Variants in C19orf47 observed in about 807,000 individuals in gnomAD.
C19orf47 encodes chromosome 19 open reading frame 47.
A neutral mutation model predicts 32.3 loss-of-function variants in C19orf47; 18 were observed. That is an observed-to-expected ratio of 0.56 (90% confidence interval 0.39 to 0.83). The LOEUF (loss-of-function observed/expected upper bound fraction) is 0.83. Among genes scored for constraint, C19orf47 ranks in the 40% least tolerant of loss-of-function variants. C19orf47 has a pLI of 0.00. For synonymous variants in C19orf47, 202 were observed against 211.1 expected (o/e 0.96, Z 0.37); for missense variants, 484 against 531.6 (o/e 0.91, Z 0.88).
intron 1 of C19orf47, among the ~76,000 whole-genome samples, chr19:40,348,115 T>C (rs1331435410): frequency 3.3e-5 from 5 of 152,188 alleles, no homozygotes; most frequent in Non-Finnish European, 7.3e-5. Flanking sequence ...GCATCCAACG[T>C]ACACGACCTG....
chr19:40,346,187 C>A (rs2078274674), intron 1 of C19orf47, among the ~76,000 whole-genome samples: 1 of 138,770 alleles, frequency 7.2e-6, no homozygotes, highest in Non-Finnish European at 1.5e-5. Flanking sequence ...ATTACCAATT[C>A]TTGGCCAGCA....
At chr19:40,309,238 C>G in the C19orf47 span, among the ~76,000 whole-genome samples, 1 of 149,792 alleles carries the variant, frequency 6.7e-6, no homozygotes, top group Admixed American at 6.7e-5. Context: ...GTCACCCAGG[C>G]TGGTGTACAG....
At chr19:40,301,622 G>A in the C19orf47 span, among the ~76,000 whole-genome samples, 3 of 151,728 alleles carry the variant, frequency 2.0e-5, no homozygotes, top group Non-Finnish European at 4.4e-5. Flanking sequence ...TTGCAGGTGC[G>A]AGCCACCGCG....
At chr19:40,304,956 CG>C in the C19orf47 span, among the ~76,000 whole-genome samples, 1 of 152,096 alleles carries the variant, frequency 6.6e-6, no homozygotes, top group African/African-American at 2.4e-5. Flanking sequence ...TGGCCAGGCA[CG>C]GTGGCTCATG....
the C19orf47 span, among the ~76,000 whole-genome samples, chr19:40,305,586 C>A: frequency 2.6e-5 from 4 of 152,102 alleles, no homozygotes; most frequent in African/African-American, 4.8e-5. Context: ...GAGCAATTTG[C>A]GGGACCATTA....
the C19orf47 span, among the ~76,000 whole-genome samples, chr19:40,294,779 C>A: frequency 6.6e-6 from 1 of 152,188 alleles, no homozygotes; most frequent in Non-Finnish European, 1.5e-5. Flanking sequence ...AGGCTGGAAG[C>A]CCACGATGCA....
intron 4 of C19orf47, among the ~76,000 whole-genome samples, chr19:40,334,660 A>C (rs949487231): frequency 6.6e-6 from 1 of 152,120 alleles, no homozygotes. Flanking sequence ...AGGTACGAGA[A>C]TCTCTTGAAC....
At chr19:40,316,839 G>C (rs1568597697), downstream of C19orf47, among the ~76,000 whole-genome samples, 1 of 152,168 alleles carries the variant, frequency 6.6e-6, no homozygotes, top group Non-Finnish European at 1.5e-5. Context: ...ACTTGTAATA[G>C]CACGAGGTAG....
At chr19:40,341,699 C>T in intron 2 of C19orf47, 140 bp downstream of exon 2, 1 of 1,270,244 alleles carries the variant, frequency 7.9e-7, no homozygotes, top group East Asian at 2.6e-5. Flanking sequence ...TCCAGCCCCA[C>T]CCTGCCACGG....
intron 4 of C19orf47, among the ~76,000 whole-genome samples, chr19:40,335,364 A>G (rs1335325057): frequency 2.0e-5 from 3 of 152,206 alleles, no homozygotes; most frequent in Non-Finnish European, 2.9e-5. Context: ...ACTTATCACA[A>G]GGAAAATGTG....
intron 5 of C19orf47, among the ~76,000 whole-genome samples, chr19:40,332,017 C>A: frequency 6.8e-6 from 1 of 147,362 alleles, no homozygotes; most frequent in African/African-American, 2.5e-5. Context: ...CAGCCTGAGC[C>A]ACAAAAGCGA....
chr19:40,309,708 C>T, the C19orf47 span, among the ~76,000 whole-genome samples: 1 of 151,178 alleles, frequency 6.6e-6, no homozygotes, highest in Admixed American at 6.6e-5. Flanking sequence ...AAAGAATATG[C>T]AACAAAATAT....
At chr19:40,340,954 G>T (rs184356764) in intron 2 of C19orf47, among the ~76,000 whole-genome samples, 5 of 149,166 alleles carry the variant, frequency 3.4e-5, no homozygotes, top group Admixed American at 6.8e-5. Context: ...CTCCAGCCTG[G>T]GCAACAGTGT....
At chr19:40,301,352 T>C in the C19orf47 span, among the ~76,000 whole-genome samples, 8 of 148,820 alleles carry the variant, frequency 5.4e-5, no homozygotes, top group Admixed American at 2.7e-4. Context: ...TTTATTTATT[T>C]ATTCTTGAGA....
chr19:40,293,838 G>A, the C19orf47 span, among the ~76,000 whole-genome samples: 2 of 152,010 alleles, frequency 1.3e-5, no homozygotes, highest in Non-Finnish European at 2.9e-5. Flanking sequence ...ATAGCAGGAG[G>A]GGCCGGGCGC....
chr19:40,322,934 T>C (rs935040903), intron 8 of C19orf47, among the ~76,000 whole-genome samples: 1 of 152,144 alleles, frequency 6.6e-6, no homozygotes, highest in African/African-American at 2.4e-5. Context: ...GAAGGACAGC[T>C]GGAGGGCAGA....
chr19:40,313,821 G>GT, the C19orf47 span, among the ~76,000 whole-genome samples: 1 of 151,988 alleles, frequency 6.6e-6, no homozygotes, highest in Non-Finnish European at 1.5e-5. Flanking sequence ...TCTGGCCTGG[G>GT]TGACAGAGCA....
chr19:40,297,264 G>A, the C19orf47 span, among the ~76,000 whole-genome samples: 1 of 152,100 alleles, frequency 6.6e-6, no homozygotes, highest in East Asian at 1.9e-4. Flanking sequence ...TGCATTTGAT[G>A]TAAAAATGGT....
rs150707903 is a variant in C19orf47, at chr19:40,343,488, T to C, written c.-33-1598A>G. On this transcript the variant is annotated intron_variant, in intron 1 of 8. Coordinates refer to ENST00000683109, the MANE Select transcript of C19orf47 (RefSeq NM_001256441.2). ...AACATGACTTACCTTAGAGGACTGCTATAAGGGCTGGATGAGTTTCTATGA... is the reference window on the plus strand; with the variant it reads ...AACATGACTTACCTTAGAGGACTGCCATAAGGGCTGGATGAGTTTCTATGA... The C allele has an allele frequency of 7.7e-3, 1,171 of 152,336 alleles. 4 individuals are homozygous for C. The highest frequency in any genetic ancestry group is 0.037 in the Middle Eastern group (11 of 296). The allele number at this position is 152,336 out of a possible 1,614,324, so 9.4% of individuals were successfully genotyped here. A position where few individuals can be genotyped will look rare whatever the true frequency, so the allele number is the denominator to read the frequency against.
Sources: gnomAD v4.1 joint callset for allele counts (sites outside exome capture counted in the v4.1 genomes callset) on GRCh38, gnomAD v4.1.1 for gene constraint, MANE v1.5 for transcripts, NCBI Gene and HGNC (gene_info 2026-07-23, HGNC 2026-07-21) for gene names.